Variants in MEI4 observed in about 807,000 individuals in gnomAD.
MEI4 encodes meiotic double-stranded break formation protein 4, also known as meiosis-specific protein MEI4.
In MEI4, 27 loss-of-function variants were observed where a neutral mutation model predicts 31.4. That is an observed-to-expected ratio of 0.86 (90% CI 0.63 to 1.19). The LOEUF is 1.19. Among genes scored for constraint, MEI4 ranks in the 50% most tolerant of loss-of-function variants. The pLI is 0.00. For synonymous variants in MEI4, 122 were observed against 145.4 expected, an observed-to-expected ratio of 0.84 and a Z score of 1.16; for missense variants, 329 against 398.9, an observed-to-expected ratio of 0.82 and a Z score of 1.49.
intron 2 of MEI4, among the ~76,000 whole-genome samples, chr6:77,735,102 A>G (rs868353876): frequency 4.6e-5 from 7 of 151,854 alleles, no homozygotes; most frequent in Non-Finnish European, 7.4e-5. Flanking sequence ...TGAACTGACA[A>G]TTATGTGTCT....
intron 4 of MEI4, among the ~76,000 whole-genome samples, chr6:77,917,426 A>G (rs371224381): frequency 1.4e-3 from 205 of 149,848 alleles, no homozygotes; most frequent in African/African-American, 4.6e-3. Flanking sequence ...ATCCTCTCCA[A>G]CACCTGTTGT....
At chr6:77,878,218 A>G (rs185867122) in intron 4 of MEI4, among the ~76,000 whole-genome samples, 1 of 136,760 alleles carries the variant, frequency 7.3e-6, no homozygotes, top group African/African-American at 2.5e-5. Context: ...ATAAGTAAAT[A>G]CATAAAAAAA....
At chr6:77,789,675 C>G (rs1345601983) in intron 3 of MEI4, among the ~76,000 whole-genome samples, 1 of 152,148 alleles carries the variant, frequency 6.6e-6, no homozygotes, top group Non-Finnish European at 1.5e-5. Context: ...CACTGGCCAT[C>G]AGAGAAATGT....
upstream of MEI4, among the ~76,000 whole-genome samples, chr6:77,651,498 A>G (rs1768298212): frequency 6.6e-6 from 1 of 152,236 alleles, no homozygotes; most frequent in Non-Finnish European, 1.5e-5. Context: ...ATATTGTTCA[A>G]TAGCAACATT....
intron 1 of MEI4, among the ~76,000 whole-genome samples, chr6:77,657,521 C>T (rs973789141): frequency 6.6e-6 from 1 of 152,058 alleles, no homozygotes; most frequent in African/African-American, 2.4e-5. Flanking sequence ...TTAGTTCTTC[C>T]AGCCCTTCTT....
intron 4 of MEI4, among the ~76,000 whole-genome samples, chr6:77,839,000 A>G (rs978076912): frequency 6.6e-6 from 1 of 152,116 alleles, no homozygotes; most frequent in African/African-American, 2.4e-5. Context: ...AAAACTGCGG[A>G]ATACGTTTCT....
intron 4 of MEI4, among the ~76,000 whole-genome samples, chr6:77,855,571 T>G (rs1369640242): frequency 1.3e-5 from 2 of 152,194 alleles, no homozygotes; most frequent in African/African-American, 2.4e-5. Context: ...GGGATTGGTT[T>G]TAGAAAGTAA....
chr6:77,731,583 G>A (rs1766993816), intron 2 of MEI4, among the ~76,000 whole-genome samples: 3 of 151,526 alleles, frequency 2.0e-5, no homozygotes, highest in Non-Finnish European at 2.9e-5. Flanking sequence ...TAGGTTGCCT[G>A]TTCACTCTGA....
intron 1 of MEI4, among the ~76,000 whole-genome samples, chr6:77,674,677 A>G (rs1003726470): frequency 6.6e-6 from 1 of 152,136 alleles, no homozygotes; most frequent in South Asian, 2.1e-4. Context: ...CTCAGGATGC[A>G]TCTCTGTCAT....
At chr6:77,669,435 A>G (rs1582006491) in intron 1 of MEI4, among the ~76,000 whole-genome samples, 1 of 152,214 alleles carries the variant, frequency 6.6e-6, no homozygotes, top group South Asian at 2.1e-4. Flanking sequence ...TCTTTTGCAG[A>G]ATAATGCAGA....
intron 2 of MEI4, among the ~76,000 whole-genome samples, chr6:77,753,125 G>C (rs1035087470): frequency 2.6e-5 from 4 of 152,158 alleles, no homozygotes; most frequent in Non-Finnish European, 5.9e-5. Flanking sequence ...AGAATTAAAT[G>C]TAAGACCTAA....
At position 77,742,622 on chromosome 6, in the gene MEI4, T is replaced by A. The variant is rs191365345; in HGVS notation, c.233-18508T>A. On this transcript the variant is annotated intron_variant, in intron 2 of 4. Coordinates refer to ENST00000684080, the MANE Select transcript of MEI4 (RefSeq NM_001322247.2). ...TTTGCTGTGCAGACGCTCTCTAGTT[T>A]AGTTAGATCCCATTTGTCAATTTTG... Among the ~76,000 whole-genome samples the A allele has an allele frequency of 1.4e-3, 213 of 152,326 alleles. 1 individual carries two copies. The highest frequency in any genetic ancestry group is 4.5e-3 in the African/African-American group (187 of 41,566).
chr6:77,816,295 A>C (rs1167933780), intron 3 of MEI4, among the ~76,000 whole-genome samples: 2 of 152,206 alleles, frequency 1.3e-5, no homozygotes, highest in South Asian at 4.1e-4. Context: ...TGTTTTTTAA[A>C]ACTACTTACC....
intron 2 of MEI4, among the ~76,000 whole-genome samples, chr6:77,745,317 A>G (rs1403455050): frequency 2.0e-5 from 3 of 152,190 alleles, no homozygotes; most frequent in Non-Finnish European, 2.9e-5. Flanking sequence ...AGGGGTTGCA[A>G]TCCTAGTCTC....
chr6:77,873,247 C>T (rs929512047), intron 4 of MEI4, among the ~76,000 whole-genome samples: 1 of 152,228 alleles, frequency 6.6e-6, no homozygotes, highest in African/African-American at 2.4e-5. Flanking sequence ...TGTTTCTCCA[C>T]ATCTTCTCTA....
At chr6:77,753,233 A>G (rs1017440429) in intron 2 of MEI4, among the ~76,000 whole-genome samples, 1 of 152,206 alleles carries the variant, frequency 6.6e-6, no homozygotes, top group Non-Finnish European at 1.5e-5. Context: ...AATGGCAACA[A>G]AAGCCAAAAT....
chr6:77,863,418 G>A (rs1041141609), intron 4 of MEI4, among the ~76,000 whole-genome samples: 12 of 151,996 alleles, frequency 7.9e-5, no homozygotes, highest in African/African-American at 1.5e-4. Flanking sequence ...ACCAAGGCAC[G>A]GGAACTACGT....
At chr6:77,829,896 A>G (rs546123301) in intron 4 of MEI4, among the ~76,000 whole-genome samples, 1 of 152,252 alleles carries the variant, frequency 6.6e-6, no homozygotes, top group South Asian at 2.1e-4. Context: ...GTCTAAAAAT[A>G]TTATGCAATC....
At chr6:77,881,552 C>T (rs1771490781) in intron 4 of MEI4, among the ~76,000 whole-genome samples, 1 of 152,182 alleles carries the variant, frequency 6.6e-6, no homozygotes, top group Non-Finnish European at 1.5e-5. Flanking sequence ...ACATGGTTAG[C>T]TATATGCTGC....
Sources: allele counts gnomAD v4.1 joint callset (sites outside exome capture counted in the v4.1 genomes callset), GRCh38; gene constraint gnomAD v4.1.1; transcripts MANE v1.5; gene names NCBI Gene and HGNC (gene_info 2026-07-23, HGNC 2026-07-21).